CADM2: variants seen among roughly 807,000 people sequenced by gnomAD.
CADM2 encodes the protein cell adhesion molecule 2.
Under a neutral mutation model 49.8 loss-of-function variants are expected in CADM2, and 12 were observed. That is an observed-to-expected ratio of 0.24 (90% confidence interval 0.15 to 0.39). The LOEUF (loss-of-function observed/expected upper bound fraction) is 0.39. CADM2 is among the 10% of genes least tolerant of loss of function. The pLI, the probability that CADM2 is intolerant of heterozygous loss-of-function variation, is 1.00. For missense variants in CADM2, 378 were observed against 492.3 expected (o/e 0.77, Z 2.20); for synonymous variants, 214 against 175.4 (o/e 1.22, Z -1.74).
At chr3:85,892,413 A>C (rs1384106378) in intron 5 of CADM2, among the ~76,000 whole-genome samples, 2 of 152,266 alleles carry the variant, frequency 1.3e-5, no homozygotes, top group African/African-American at 4.8e-5. Context: ...CCCAAATCTC[A>C]TCTTGAATTC....
intron 7 of CADM2, among the ~76,000 whole-genome samples, chr3:85,938,949 A>C (rs1398144878): frequency 6.6e-6 from 1 of 152,082 alleles, no homozygotes; most frequent in Non-Finnish European, 1.5e-5. Flanking sequence ...TTTCTTAAAA[A>C]GTATTTAACT....
At chr3:85,976,442 G>C (rs1433216162) in intron 8 of CADM2, among the ~76,000 whole-genome samples, 1 of 151,538 alleles carries the variant, frequency 6.6e-6, no homozygotes, top group African/African-American at 2.4e-5. Context: ...TTCAATTTTA[G>C]TTGCTTCCCA....
intron 1 of CADM2, among the ~76,000 whole-genome samples, chr3:85,011,846 G>A (rs948796328): frequency 1.6e-4 from 24 of 151,524 alleles, no homozygotes; most frequent in African/African-American, 4.1e-4. Flanking sequence ...CACTACAACC[G>A]GGGTTACAAA....
intron 2 of CADM2, among the ~76,000 whole-genome samples, chr3:85,776,484 G>T (rs1426450866): frequency 1.3e-5 from 2 of 151,794 alleles, no homozygotes; most frequent in Non-Finnish European, 2.9e-5. Context: ...GTCATGTCTG[G>T]CATAGGAACT....
intron 5 of CADM2, among the ~76,000 whole-genome samples, chr3:85,909,114 C>T (rs1717212810): frequency 6.6e-6 from 1 of 152,046 alleles, no homozygotes; most frequent in African/African-American, 2.4e-5. Flanking sequence ...AAGCAGATGA[C>T]CTCACACCGC....
intron 1 of CADM2, among the ~76,000 whole-genome samples, chr3:85,140,028 G>C (rs967197676): frequency 5.3e-5 from 8 of 152,040 alleles, no homozygotes; most frequent in Admixed American, 1.3e-4. Flanking sequence ...CAGTGGATAG[G>C]GAAGGCTGTT....
chr3:85,599,306 CT>C (rs1173348552), intron 1 of CADM2, among the ~76,000 whole-genome samples: 61 of 152,078 alleles, frequency 4.0e-4, no homozygotes, highest in African/African-American at 1.4e-3. Flanking sequence ...TCTTGGCTGT[CT>C]TTTAAGGACT....
At chr3:85,478,827 T>G (rs1033841222) in intron 1 of CADM2, among the ~76,000 whole-genome samples, 32 of 151,980 alleles carry the variant, frequency 2.1e-4, no homozygotes, top group African/African-American at 7.2e-4. Flanking sequence ...AGTATATTGT[T>G]ATTACTGAAG....
intron 3 of CADM2, among the ~76,000 whole-genome samples, chr3:85,817,644 C>T (rs925934994): frequency 6.6e-6 from 1 of 152,122 alleles, no homozygotes; most frequent in African/African-American, 2.4e-5. Flanking sequence ...GATAGCTGCA[C>T]TTGAATCACA....
chr3:85,630,068 T>G (rs2064259552), intron 1 of CADM2, among the ~76,000 whole-genome samples: 1 of 152,006 alleles, frequency 6.6e-6, no homozygotes, highest in Admixed American at 6.6e-5. Flanking sequence ...TGTAATATTT[T>G]TGATCCATTT....
In CADM2 at chr3:85,377,866, T is replaced by A. The variant is rs537240748; in HGVS notation, c.62-348656T>A. Reference sequence around the variant, plus strand: ...TGTGGGCCCAGGGAGCGATGCGAATTACCATCAGAAAATCAAAATTCGATG... The same window carrying A: ...TGTGGGCCCAGGGAGCGATGCGAATAACCATCAGAAAATCAAAATTCGATG... On this transcript the variant is annotated intron_variant, in intron 1 of 9. Coordinates refer to ENST00000383699, the MANE Select transcript of CADM2 (RefSeq NM_001167675.2). 2.0e-5 allele frequency among the ~76,000 whole-genome samples: 3 copies of A among 152,170 alleles called. No homozygotes were observed. The Middle Eastern group carries it at 0.01, about 518-fold the overall frequency.
At chr3:85,704,710 TA>T (rs1159363021) in intron 1 of CADM2, among the ~76,000 whole-genome samples, 3 of 152,010 alleles carry the variant, frequency 2.0e-5, no homozygotes, top group Non-Finnish European at 2.9e-5. Flanking sequence ...TATAGCACCT[TA>T]AAAAAACTAA....
intron 1 of CADM2, among the ~76,000 whole-genome samples, chr3:85,212,814 C>A (rs572843242): frequency 4.4e-4 from 18 of 40,732 alleles, no homozygotes; most frequent in African/African-American, 2.2e-3. Flanking sequence ...TTTTTCTTCT[C>A]TTTCTTTCTT....
chr3:85,307,049 G>A (rs1003397003), intron 1 of CADM2, among the ~76,000 whole-genome samples: 3 of 151,536 alleles, frequency 2.0e-5, no homozygotes, highest in Admixed American at 6.6e-5. Flanking sequence ...TATTGTGTGC[G>A]TGTTTTTAGT....
rs528119630 is a variant in CADM2, at chr3:85,030,397, T to C, written c.61+70729T>C. Among the ~76,000 whole-genome samples the C allele has an allele frequency of 2.0e-5, 3 of 152,316 alleles. No individual in the cohort carries two copies. In the South Asian group the frequency reaches 6.2e-4, roughly 32 times the overall value. ...CCTGACATCATTTGTAAGACACTGG[T>C]AAAGACAATGCCAAGGACATACGAC... On this transcript the variant is annotated intron_variant, in intron 1 of 9. Coordinates refer to ENST00000383699, the MANE Select transcript of CADM2 (RefSeq NM_001167675.2).
chr3:85,172,637 A>G (rs1359159941), intron 1 of CADM2, among the ~76,000 whole-genome samples: 1 of 151,816 alleles, frequency 6.6e-6, no homozygotes, highest in Non-Finnish European at 1.5e-5. Flanking sequence ...AGAGTCTTTG[A>G]AGGCCAGGTT....
chr3:86,000,156 G>GGGAA (rs988288383), intron 8 of CADM2, among the ~76,000 whole-genome samples: 2 of 152,130 alleles, frequency 1.3e-5, no homozygotes, highest in African/African-American at 4.8e-5. Flanking sequence ...CCAGAAAAGG[G>GGGAA]GGAAGTACTT....
chr3:85,148,617 C>G (rs2039824804), intron 1 of CADM2, among the ~76,000 whole-genome samples: 1 of 152,126 alleles, frequency 6.6e-6, no homozygotes, highest in Non-Finnish European at 1.5e-5. Flanking sequence ...TTCTCCCAAG[C>G]TATCAAAAAT....
chr3:85,911,371 A>G (rs533628191), intron 5 of CADM2, among the ~76,000 whole-genome samples: 5 of 152,326 alleles, frequency 3.3e-5, no homozygotes, highest in Non-Finnish European at 7.4e-5. Context: ...GCACCATTTA[A>G]CGATGGATCT....
Sources: gnomAD v4.1 joint callset for allele counts (sites outside exome capture counted in the v4.1 genomes callset) on GRCh38, gnomAD v4.1.1 for gene constraint, MANE v1.5 for transcripts, NCBI Gene and HGNC (gene_info 2026-07-23, HGNC 2026-07-21) for gene names.